Variants in TRIM34 observed in about 807,000 individuals in gnomAD.
TRIM34 encodes E3 ubiquitin-protein ligase TRIM34.
TRIM34 carries 41 observed loss-of-function variants against 38.1 expected under a neutral mutation model. The observed-to-expected ratio is 1.08, with a 90% CI of 0.84 to 1.40. TRIM34 has a LOEUF of 1.40. Ranked by LOEUF, TRIM34 falls within the 40% of genes most tolerant of loss-of-function variation. TRIM34 has a pLI of 0.00. For missense variants in TRIM34, 556 were observed against 571.4 expected, an observed-to-expected ratio of 0.97 and a Z score of 0.27; for synonymous variants, 200 against 202.5, an observed-to-expected ratio of 0.99 and a Z score of 0.10.
At chr11:5,631,145 C>G (rs551996964) in intron 1 of TRIM34, among the ~76,000 whole-genome samples, 1 of 152,286 alleles carries the variant, frequency 6.6e-6, no homozygotes, top group Admixed American at 6.5e-5. Context: ...CCTCCCCCAA[C>G]GAATACACAC....
In TRIM34 at chr11:5,644,242, G is replaced by A. The variant is rs1209010162; in HGVS notation, c.*533G>A. 1 of 398,694 alleles carries A rather than the reference G, an allele frequency of 2.5e-6. No individual in the cohort carries two copies. Among genetic ancestry groups the A allele is most frequent in the Admixed American group, 4.4e-5 (1 of 22,722 alleles). 24.7% of individuals were successfully genotyped at this position (398,694 alleles called of 1,614,324 possible). A position where few individuals can be genotyped will look rare whatever the true frequency, so the allele number is the denominator to read the frequency against. ...TTGCCTGTTGTTTTCTAATCATGAT[G>A]AATACTTTCTCAGTTTCTTTTTCCT... On this transcript the variant is annotated 3_prime_UTR_variant, in exon 8 of 8. Coordinates refer to ENST00000429814, the MANE Select transcript of TRIM34 (RefSeq NM_021616.6).
chr11:5,633,747 C>T, intron 2 of TRIM34, 57 bp from the exon 3 acceptor site: 1 of 1,528,270 alleles, frequency 6.5e-7, no homozygotes, highest in Non-Finnish European at 8.8e-7. Context: ...TGTTTGTCCT[C>T]TATCCAGATA....
chr11:5,620,706 C>A (rs1848964998), upstream of TRIM34, among the ~76,000 whole-genome samples: 1 of 152,090 alleles, frequency 6.6e-6, no homozygotes, highest in African/African-American at 2.4e-5. Context: ...GGCAGAAGTA[C>A]TGTCATGGGC....
upstream of TRIM34, among the ~76,000 whole-genome samples, chr11:5,622,218 A>C (rs751400880): frequency 1.3e-5 from 2 of 152,088 alleles, no homozygotes; most frequent in Non-Finnish European, 2.9e-5. Context: ...GGCCGAGGCA[A>C]GCAGATCATG....
chr11:5,641,525 T>C (rs1850011995), intron 5 of TRIM34, among the ~76,000 whole-genome samples: 1 of 152,200 alleles, frequency 6.6e-6, no homozygotes, highest in South Asian at 2.1e-4. Flanking sequence ...ATTTTATATG[T>C]GTTTGTCATA....
chr11:5,632,408 T>C lies in TRIM34; in HGVS notation c.77T>C (p.Leu26Ser), dbSNP rs1203656859. The C allele has an allele frequency of 6.2e-7, 1 of 1,614,006 alleles. No individual in the cohort carries two copies. Among genetic ancestry groups the C allele is most frequent in the Non-Finnish European group, 8.5e-7 (1 of 1,179,998 alleles). ...TGCCTGGAGCTGTTGACAGAACCCT[T>C]GAGTCTAGACTGTGGCCACAGCCTC... The part of the protein sequence containing the change: ...PICLELLTEP[L>S]SLDCGHSLCR... Residue 26 changes from leucine to serine, a missense_variant, in exon 2 of 8, where the codon TTG (leucine) becomes TCG (serine). Transcript: ENST00000429814.
At chr11:5,628,161 G>A (rs1849322851) in intron 1 of TRIM34, among the ~76,000 whole-genome samples, 1 of 152,174 alleles carries the variant, frequency 6.6e-6, no homozygotes, top group African/African-American at 2.4e-5. Context: ...CATTATGGTG[G>A]CAGCAGCTTT....
upstream of TRIM34, among the ~76,000 whole-genome samples, chr11:5,622,377 G>A (rs1208419167): frequency 2.0e-5 from 3 of 151,838 alleles, no homozygotes; most frequent in South Asian, 2.1e-4. Flanking sequence ...CCCGGCAGGC[G>A]GAGCTTGTAG....
chr11:5,632,263 G>C lies in TRIM34; in HGVS notation c.-69G>C, dbSNP rs138175465. On this transcript the variant is annotated 5_prime_UTR_variant, in exon 2 of 8. Coordinates refer to ENST00000429814, the MANE Select transcript of TRIM34 (RefSeq NM_021616.6). ...CCTTTCAATCTTCTCAGCCATCCAGGGGTCTTTAACCAGAAGAGAGAGGAG... is the reference window on the plus strand; with the variant it reads ...CCTTTCAATCTTCTCAGCCATCCAGCGGTCTTTAACCAGAAGAGAGAGGAG... 1.1e-5 allele frequency: 17 copies of C among 1,605,022 alleles called. No homozygotes were observed. Among genetic ancestry groups the C allele is most frequent in the Admixed American group, 1.7e-5 (1 of 58,080 alleles).
chr11:5,633,991 A>C, intron 3 of TRIM34, 92 bp downstream of exon 3: 1 of 1,385,706 alleles, frequency 7.2e-7, no homozygotes, highest in Non-Finnish European at 9.9e-7. Flanking sequence ...TTGACATTGC[A>C]TGAGTCCTGA....
At chr11:5,626,815 G>T (rs1206504985) in intron 1 of TRIM34, 1 of 151,950 alleles carries the variant, frequency 6.6e-6, no homozygotes, top group Non-Finnish European at 1.5e-5. Flanking sequence ...CCAGGAGGTG[G>T]AGGTTGCAGT....
At position 5,643,433 on chromosome 11, in the gene TRIM34, C is replaced by T; in HGVS notation, c.1191C>T (p.Tyr397=). The T allele has an allele frequency of 6.2e-7, 1 of 1,614,142 alleles. No homozygotes were observed. Among genetic ancestry groups the T allele is most frequent in the Non-Finnish European group, 8.5e-7 (1 of 1,180,020 alleles). The change falls in exon 8 of 8, where the codon TAC becomes TAT. Residue 397 remains tyrosine (Y), a synonymous_variant. Coordinates refer to ENST00000429814, the MANE Select transcript of TRIM34 (RefSeq NM_021616.6). ...LYTKYRPLFG[Y]WVIGLQNKCK... ...CCAAATACAGACCTCTATTTGGCTA[C>T]TGGGTTATAGGGTTACAGAATAAAT...
At chr11:5,626,514 T>C (rs1267397009) in intron 1 of TRIM34, 1 of 152,188 alleles carries the variant, frequency 6.6e-6, no homozygotes, top group African/African-American at 2.4e-5. Context: ...AAGGCTTTAA[T>C]GGTTTTTCCC....
intron 1 of TRIM34, among the ~76,000 whole-genome samples, chr11:5,630,311 A>C (rs1417986292): frequency 6.6e-6 from 1 of 152,168 alleles, no homozygotes; most frequent in Non-Finnish European, 1.5e-5. Context: ...CCACATGTCT[A>C]GTCTGACTTC....
At position 5,634,801 on chromosome 11, in the gene TRIM34, G is replaced by A. The variant is rs1336831403; in HGVS notation, c.690G>A (p.Val230=). The change falls in exon 4 of 8, where the codon GTG becomes GTA. Residue 230 remains valine (V), a synonymous_variant. Transcript: ENST00000429814. ...EDELVQQKQL[V]RELISDVECR... is the part of the protein sequence containing the mutation. Reference sequence around the variant, plus strand: ...AGCTAGTTCAGCAGAAGCAGTTGGTGAGAGAGCTCATCTCAGATGTGGAGT... The same window carrying A: ...AGCTAGTTCAGCAGAAGCAGTTGGTAAGAGAGCTCATCTCAGATGTGGAGT... 6.2e-7 allele frequency: 1 copy of A among 1,613,706 alleles called. No individual in the cohort carries two copies. The highest frequency in any genetic ancestry group is 8.5e-7 in the Non-Finnish European group (1 of 1,179,812).
intron 5 of TRIM34, 67 bp from the exon 6 acceptor site, chr11:5,642,339 C>A: frequency 1.4e-6 from 2 of 1,424,698 alleles, no homozygotes; most frequent in South Asian, 1.2e-5. Context: ...GAGATGAAAC[C>A]AGTGATGTGG....
chr11:5,630,330 T>C (rs1849434874), intron 1 of TRIM34, among the ~76,000 whole-genome samples: 1 of 152,202 alleles, frequency 6.6e-6, no homozygotes. Flanking sequence ...TCCAATCTTA[T>C]TTCCTTTACC....
intron 1 of TRIM34, among the ~76,000 whole-genome samples, chr11:5,630,935 T>A (rs553659225): frequency 6.6e-6 from 1 of 152,254 alleles, no homozygotes; most frequent in African/African-American, 2.4e-5. Flanking sequence ...ATTTCCAAAA[T>A]AAACACATGA....
intron 1 of TRIM34, among the ~76,000 whole-genome samples, chr11:5,627,353 C>T (rs1849292345): frequency 1.3e-5 from 2 of 152,056 alleles, no homozygotes; most frequent in African/African-American, 4.8e-5. Context: ...ACACTCCAAC[C>T]TGGGTAACAA....
Sources: allele counts gnomAD v4.1 joint callset (sites outside exome capture counted in the v4.1 genomes callset), GRCh38; gene constraint gnomAD v4.1.1; transcripts MANE v1.5; gene names NCBI Gene and HGNC (gene_info 2026-07-23, HGNC 2026-07-21).